Variants in INSC observed in about 807,000 individuals in gnomAD.
The protein encoded by INSC is protein inscuteable homolog.
In INSC, 67 loss-of-function variants were observed where a neutral mutation model predicts 58.6. The ratio of observed to expected loss-of-function variants is 1.14; its 90% CI spans 0.94 to 1.40. INSC has a LOEUF of 1.40. INSC is among the 40% of genes most tolerant of loss of function. The pLI, the probability that INSC is intolerant of heterozygous loss-of-function variation, is 0.00. For synonymous variants in INSC, 262 were observed against 276.1 expected (o/e 0.95, Z 0.51); for missense variants, 714 against 692.0 (o/e 1.03, Z -0.36).
At chr11:15,253,406 C>G in the INSC span, among the ~76,000 whole-genome samples, 1 of 152,144 alleles carries the variant, frequency 6.6e-6, no homozygotes, top group African/African-American at 2.4e-5. Context: ...CATGAGAGGA[C>G]TTGCCCTCGG....
At chr11:15,212,070 G>T (rs551436284) in intron 7 of INSC, among the ~76,000 whole-genome samples, 1 of 151,944 alleles carries the variant, frequency 6.6e-6, no homozygotes, top group Non-Finnish European at 1.5e-5. Context: ...TGAAATGATT[G>T]GGGTTTTTAA....
chr11:15,214,161 T>G (rs1851128757), intron 7 of INSC, among the ~76,000 whole-genome samples: 1 of 152,214 alleles, frequency 6.6e-6, no homozygotes, highest in Non-Finnish European at 1.5e-5. Flanking sequence ...TTTCTGATTA[T>G]AATTGAATTT....
At chr11:15,240,720 G>A (rs930019282) in intron 12 of INSC, among the ~76,000 whole-genome samples, 197 bp downstream of exon 12, 29 of 152,128 alleles carry the variant, frequency 1.9e-4, no homozygotes, top group Admixed American at 1.8e-3. Flanking sequence ...ATTATATGAG[G>A]TCATATGTGT....
chr11:15,119,638 G>T (rs1205037911), intron 1 of INSC, among the ~76,000 whole-genome samples: 2 of 152,224 alleles, frequency 1.3e-5, no homozygotes, highest in Non-Finnish European at 2.9e-5. Flanking sequence ...CATGTGAAAT[G>T]TGGCCTGTGG....
At chr11:15,233,811 G>A (rs1852018474) in intron 9 of INSC, among the ~76,000 whole-genome samples, 1 of 152,076 alleles carries the variant, frequency 6.6e-6, no homozygotes, top group South Asian at 2.1e-4. Context: ...GGTGATGGTG[G>A]GATGTCTCAG....
At chr11:15,145,681 C>A (rs1005173286) in intron 1 of INSC, among the ~76,000 whole-genome samples, 1 of 152,152 alleles carries the variant, frequency 6.6e-6, no homozygotes, top group Admixed American at 6.5e-5. Flanking sequence ...AAATGAGGAA[C>A]AAAAGAGAAA....
At chr11:15,199,481 A>G (rs1014615909) in intron 6 of INSC, among the ~76,000 whole-genome samples, 1 of 152,098 alleles carries the variant, frequency 6.6e-6, no homozygotes, top group African/African-American at 2.4e-5. Context: ...ATTTTGGTGA[A>G]CCCGTGCTGG....
intron 1 of INSC, among the ~76,000 whole-genome samples, chr11:15,115,726 T>A (rs1421688575): frequency 6.6e-6 from 1 of 152,178 alleles, no homozygotes; most frequent in Non-Finnish European, 1.5e-5. Flanking sequence ...CACGCTTACA[T>A]GCTCAGCATA....
intron 1 of INSC, among the ~76,000 whole-genome samples, chr11:15,136,847 C>T (rs1013274824): frequency 6.6e-6 from 1 of 152,142 alleles, no homozygotes; most frequent in Non-Finnish European, 1.5e-5. Flanking sequence ...ATTTTGACCA[C>T]CTCCCATGAA....
At chr11:15,198,139 T>G (rs1029557363) in intron 6 of INSC, among the ~76,000 whole-genome samples, 1 of 152,308 alleles carries the variant, frequency 6.6e-6, no homozygotes, top group East Asian at 1.9e-4. Context: ...TAAGACACTC[T>G]TATAATCAGG....
chr11:15,239,027 G>C lies in INSC; in HGVS notation c.1346G>C (p.Arg449Pro), dbSNP rs771388775. Residue 449 changes from arginine (R) to proline (P), a missense_variant, in exon 11 of 13, where the codon CGT (arginine) becomes CCT (proline). Physicochemically the swap from Arg to Pro is moderately radical, Grantham distance 103 (BLOSUM62 -2). Transcript: ENST00000379556. ...CAGAAAGCTGCAGTGACCCTGGCTC[G>C]TCTCAGCCGAGACCCAGATGTGGCA... ...VQQKAAVTLA[R>P]LSRDPDVARE... is the part of the protein sequence containing the mutation. 1 of 1,614,130 alleles carries C rather than the reference G, an allele frequency of 6.2e-7. No individual in the cohort carries two copies. Among genetic ancestry groups the C allele is most frequent in the South Asian group, 1.1e-5 (1 of 91,084 alleles).
At position 15,221,467 on chromosome 11, in the gene INSC, C is replaced by G. The variant is rs776127108; in HGVS notation, c.820-10C>G. Reference sequence around the variant, plus strand: ...GGATGCACAGGGGAGCTCCCTCTCTCCATCTGCAGGTGGATGGCGTTCTGT... The same window carrying G: ...GGATGCACAGGGGAGCTCCCTCTCTGCATCTGCAGGTGGATGGCGTTCTGT... On this transcript the variant is annotated splice_polypyrimidine_tract_variant and intron_variant, in intron 7 of 12. Coordinates refer to ENST00000379556, the MANE Select transcript of INSC (RefSeq NM_001042536.3). 3 of 1,600,204 alleles carry G rather than the reference C, an allele frequency of 1.9e-6. No homozygotes were observed. The highest frequency in any genetic ancestry group is 2.6e-6 in the Non-Finnish European group (3 of 1,171,498).
At chr11:15,115,227 G>A (rs1003808040) in intron 1 of INSC, among the ~76,000 whole-genome samples, 4 of 152,202 alleles carry the variant, frequency 2.6e-5, no homozygotes, top group Non-Finnish European at 4.4e-5. Context: ...GTGGGTGAAC[G>A]AGTGTGTCAG....
intron 1 of INSC, among the ~76,000 whole-genome samples, chr11:15,148,337 C>T (rs1848546427): frequency 6.6e-6 from 1 of 152,184 alleles, no homozygotes; most frequent in African/African-American, 2.4e-5. Flanking sequence ...TGATCAAGGA[C>T]CCAGCATTTT....
Position 15,161,944 on chromosome 11 carries a change from T to C in INSC, c.56+12714T>C, listed in dbSNP as rs530936877. Among the ~76,000 whole-genome samples, 13 of 152,344 alleles carry C rather than the reference T, an allele frequency of 8.5e-5. No homozygotes were observed. The South Asian group carries it at 1.2e-3, about 15-fold the overall frequency. ...GCCTAACCATGCTGTAAAGTATTTA[T>C]AGCTTGTTACATAAATAATTATGGT... On this transcript the variant is annotated intron_variant, in intron 2 of 12. Coordinates refer to ENST00000379556, the MANE Select transcript of INSC (RefSeq NM_001042536.3).
At position 15,188,273 on chromosome 11, in the gene INSC, A is replaced by G. The variant is rs946664025; in HGVS notation, c.580-2428A>G. 3.0e-6 allele frequency: 3 copies of G among 985,370 alleles called. No individual in the cohort carries two copies. The African/African-American group carries it at 5.2e-5, about 17-fold the overall frequency. 61.0% of individuals were successfully genotyped at this position (985,370 alleles called of 1,614,324 possible). A position where few individuals can be genotyped will look rare whatever the true frequency, so the allele number is the denominator to read the frequency against. On this transcript the variant is annotated intron_variant, in intron 5 of 12. Transcript: ENST00000379556. ...ATGGAGACCCACTCTCCTATTTGGC[A>G]AAACTTGCTAATGAGGCTGGACAAC...
chr11:15,235,668 G>C lies in INSC; in HGVS notation c.1237G>C (p.Gly413Arg). Reference sequence around the variant, plus strand: ...TGCCTCTGACATCATTCAGGAAAATGGTATGTCTTTGCAGCATTGTACATG... The same window carrying C: ...TGCCTCTGACATCATTCAGGAAAATCGTATGTCTTTGCAGCATTGTACATG... ...QCASDIIQEN[G>R]VQLIMGMLSE... The change falls in exon 10 of 13, where the codon GGG becomes CGG. Residue 413 changes from glycine (G) to arginine (R), a missense_variant and splice_region_variant. Transcript: ENST00000379556. 2 of 1,611,910 alleles carry C rather than the reference G, an allele frequency of 1.2e-6. No individual in the cohort carries two copies. The highest frequency in any genetic ancestry group is 1.7e-6 in the Non-Finnish European group (2 of 1,178,042).
upstream of INSC, among the ~76,000 whole-genome samples, chr11:15,111,541 C>T (rs772627159): frequency 1.1e-4 from 16 of 152,096 alleles, no homozygotes; most frequent in Non-Finnish European, 1.6e-4. Context: ...AGTCCTGAGG[C>T]GCCTACTTTG....
At chr11:15,212,459 T>G (rs1395292503) in intron 7 of INSC, among the ~76,000 whole-genome samples, 1 of 152,194 alleles carries the variant, frequency 6.6e-6, no homozygotes, top group East Asian at 1.9e-4. Context: ...CGCCAGAAAT[T>G]GACATCTTAA....
Sources: allele counts gnomAD v4.1 joint callset (sites outside exome capture counted in the v4.1 genomes callset), GRCh38; gene constraint gnomAD v4.1.1; transcripts MANE v1.5; gene names NCBI Gene and HGNC (gene_info 2026-07-23, HGNC 2026-07-21).